The following PDZD2 variants were observed in gnomAD, a reference collection of about 807,000 sequenced individuals.
PDZD2 encodes PDZ domain containing 2, also known as PDZ domain-containing protein 2.
A neutral mutation model predicts 220.7 loss-of-function variants in PDZD2; 90 were observed. The observed-to-expected ratio is 0.41, with a 90% CI of 0.34 to 0.49. The LOEUF (loss-of-function observed/expected upper bound fraction) is 0.49, where lower values mean the gene tolerates loss of function less well. Ranked by LOEUF, PDZD2 falls within the 20% of genes least tolerant of loss-of-function variation. PDZD2 has a pLI of 0.28. For missense variants in PDZD2, 3,174 were observed against 3,608.5 expected (o/e 0.88, Z 3.08); for synonymous variants, 1,375 against 1,450.5 (o/e 0.95, Z 1.18).
intron 6 of PDZD2, among the ~76,000 whole-genome samples, chr5:32,026,010 T>C (rs1056455457): frequency 6.6e-6 from 1 of 152,234 alleles, no homozygotes; most frequent in African/African-American, 2.4e-5. Flanking sequence ...TCTGAAAGAT[T>C]TGTCTAAAAA....
At chr5:32,010,235 T>C in intron 5 of PDZD2, 95 bp from the exon 6 acceptor site, 1 of 815,136 alleles carries the variant, frequency 1.2e-6, no homozygotes, top group South Asian at 1.9e-5. Flanking sequence ...GTCTTTGGTT[T>C]GGGAGCATGT....
chr5:32,025,954 CA>C lies in PDZD2; in HGVS notation c.1408-11275del, dbSNP rs1463920279. On this transcript the variant is annotated intron_variant, in intron 6 of 24. Transcript: ENST00000438447. ...GCCTAAATGGCATGCCCAGTTAAAA[CA>C]ATCTTTTTCTGTTACAATAATCCAT... 9.2e-5 allele frequency among the ~76,000 whole-genome samples: 14 copies of C among 152,080 alleles called. No individual in the cohort carries two copies. In the East Asian group the frequency reaches 2.7e-3, roughly 29 times the overall value.
chr5:31,865,605 C>G, intron 2 of PDZD2, among the ~76,000 whole-genome samples: 1 of 120,676 alleles, frequency 8.3e-6, no homozygotes, highest in Non-Finnish European at 1.7e-5. Flanking sequence ...AGCCTGTAAT[C>G]TGTGTCTACT....
chr5:31,710,952 G>A (rs1014047194), intron 1 of PDZD2, among the ~76,000 whole-genome samples: 1 of 152,038 alleles, frequency 6.6e-6, no homozygotes, highest in African/African-American at 2.4e-5. Context: ...AAAATAAAAC[G>A]TACATGTTGT....
Position 32,000,479 on chromosome 5 carries a change from GTTTGTTTTTGTTTTTGTTTTTGTT to G in PDZD2, c.1254+230_1254+253del, listed in dbSNP as rs140415640. On this transcript the variant is annotated intron_variant, in intron 5 of 24. Coordinates refer to ENST00000438447, the MANE Select transcript of PDZD2 (RefSeq NM_178140.4). This position sits in a 1 kb window ranked among gnomAD's most constrained non-coding sequence, Gnocchi z 4.5. ...TTAGTTACTTGGCTTTCCTTAAGAA[GTTTGTTTTTGTTTTTGTTTTTGTT>G]TTTGTTTTTGTTTTTGTTTTTTTTG... 1.9e-3 allele frequency among the ~76,000 whole-genome samples: 285 copies of G among 150,364 alleles called. 4 individuals are homozygous for G. The East Asian group carries it at 0.019, about 10-fold the overall frequency.
At chr5:32,065,316 A>G (rs1156723117) in intron 14 of PDZD2, among the ~76,000 whole-genome samples, 1 of 152,216 alleles carries the variant, frequency 6.6e-6, no homozygotes, top group Non-Finnish European at 1.5e-5. Context: ...AAACAAAAAA[A>G]ATACTTCTTA....
chr5:31,762,425 T>C (rs537915280), intron 1 of PDZD2, among the ~76,000 whole-genome samples: 1 of 152,312 alleles, frequency 6.6e-6, no homozygotes, highest in African/African-American at 2.4e-5. Flanking sequence ...GTAGCTGGGA[T>C]TACAGGCATG....
chr5:32,018,458 G>T (rs543698671), intron 6 of PDZD2, among the ~76,000 whole-genome samples: 29 of 152,328 alleles, frequency 1.9e-4, no homozygotes, highest in African/African-American at 6.0e-4. Context: ...TGTGGTGCTC[G>T]TGGGAAACTT....
chr5:31,923,572 G>A (rs1744480215), intron 2 of PDZD2: 4 of 839,500 alleles, frequency 4.8e-6, no homozygotes, highest in Non-Finnish European at 4.1e-6. Flanking sequence ...GGCAATCAGT[G>A]GACAGCATGA....
intron 2 of PDZD2, among the ~76,000 whole-genome samples, chr5:31,976,753 G>A (rs1275406161): frequency 8.4e-6 from 1 of 118,760 alleles, no homozygotes; most frequent in African/African-American, 3.3e-5. Context: ...AGTCTCCCTC[G>A]GTTGCCCAGG....
At chr5:32,045,600 T>G (rs1581366485) in intron 7 of PDZD2, among the ~76,000 whole-genome samples, 2 of 151,416 alleles carry the variant, frequency 1.3e-5, no homozygotes, top group Admixed American at 6.6e-5. Flanking sequence ...TTTTTTTTTT[T>G]GTATTTTTAG....
intron 2 of PDZD2, among the ~76,000 whole-genome samples, chr5:31,848,728 G>T (rs542487599): frequency 6.7e-6 from 1 of 149,966 alleles, no homozygotes; most frequent in Non-Finnish European, 1.5e-5. Context: ...CAGCCTGGGC[G>T]ACAGAGTGAG....
intron 7 of PDZD2, among the ~76,000 whole-genome samples, chr5:32,038,182 TAAAAA>T (rs547581515): frequency 1.8e-5 from 2 of 109,056 alleles, no homozygotes. Context: ...TTTCCTCCAT[TAAAAA>T]AAAAAAAAAA....
intron 1 of PDZD2, among the ~76,000 whole-genome samples, chr5:31,795,331 A>G (rs1350663453): frequency 6.6e-6 from 1 of 152,206 alleles, no homozygotes; most frequent in Non-Finnish European, 1.5e-5. Flanking sequence ...GAAAGTTGGT[A>G]GATTTTAACA....
intron 2 of PDZD2, among the ~76,000 whole-genome samples, chr5:31,906,240 T>A: frequency 7.1e-6 from 1 of 141,472 alleles, no homozygotes; most frequent in Non-Finnish European, 1.6e-5. Flanking sequence ...ATACTTCATG[T>A]TACCGATGTC....
rs529371637 is a variant in PDZD2, at chr5:31,975,346, G to A, written c.477-7809G>A. On this transcript the variant is annotated intron_variant, in intron 2 of 24. Coordinates refer to ENST00000438447, the MANE Select transcript of PDZD2 (RefSeq NM_178140.4). The stretch of plus-strand genomic sequence containing the variant: ...TCCCTTTATAAAACCATCGGATCTC[G>A]TGAGACTTACTCACTCTCACGAGAA... Among the ~76,000 whole-genome samples the A allele has an allele frequency of 1.7e-4, 26 of 152,238 alleles. No homozygotes were observed. In the East Asian group the frequency reaches 3.1e-3, roughly 18 times the overall value.
intron 1 of PDZD2, among the ~76,000 whole-genome samples, chr5:31,740,586 C>CT: frequency 7.0e-6 from 1 of 142,022 alleles, no homozygotes; most frequent in Non-Finnish European, 1.5e-5. Context: ...CTGACCTGGG[C>CT]TTAAGGGTTT....
At chr5:31,936,275 T>C in intron 2 of PDZD2, 1 of 987,676 alleles carries the variant, frequency 1.0e-6, no homozygotes. Context: ...ACAACCAACT[T>C]TGGAGTCTGT....
intron 6 of PDZD2, among the ~76,000 whole-genome samples, chr5:32,024,939 G>A (rs958280105): frequency 6.6e-6 from 1 of 152,192 alleles, no homozygotes; most frequent in Non-Finnish European, 1.5e-5. Context: ...ACAAGTGCTG[G>A]GCCAGATTTG....
Sources: allele counts gnomAD v4.1 joint callset (sites outside exome capture counted in the v4.1 genomes callset), GRCh38; gene constraint gnomAD v4.1.1; non-coding constraint Gnocchi (gnomAD v3.1); transcripts MANE v1.5; gene names NCBI Gene and HGNC (gene_info 2026-07-23, HGNC 2026-07-21).